The following PGAP6 variants were observed in gnomAD, a reference collection of about 807,000 sequenced individuals.
The protein encoded by PGAP6 is post-GPI attachment to proteins 6.
Under a neutral mutation model 68.4 loss-of-function variants are expected in PGAP6, and 62 were observed. The observed-to-expected ratio is 0.91, with a 90% CI of 0.74 to 1.12. The LOEUF is 1.12. Ranked by LOEUF, PGAP6 falls within the 50% of genes most tolerant of loss-of-function variation. The probability of loss-of-function intolerance (pLI) is 0.00; values close to 1 mark genes in which losing one functional copy is unlikely to be tolerated. For missense variants in PGAP6, 1,188 were observed against 1,068.5 expected (o/e 1.11, Z -1.56); for synonymous variants, 575 against 474.0 (o/e 1.21, Z -2.77).
chr16:377,495 C>T lies in PGAP6; in HGVS notation c.390G>A (p.Gly130=), dbSNP rs767694167. The change falls in exon 3 of 13, where the codon GGG becomes GGA. Residue 130 remains glycine (G), a synonymous_variant. Coordinates refer to ENST00000431232, the MANE Select transcript of PGAP6 (RefSeq NM_021259.3). The stretch of plus-strand genomic sequence containing the variant: ...TTCTCGGTGTGGTGCTCAGCGGCAC[C>T]CCGACCTGGAAGGAGGGCTGTACCG... ...DTAVQPSFQV[G]VPLSTTPRSN... The T allele has an allele frequency of 1.2e-6, 2 of 1,605,120 alleles. No homozygotes were observed. The highest frequency in any genetic ancestry group is 3.4e-5 in the Admixed American group (2 of 58,978).
At chr16:380,292 C>G (rs2363755) in intron 1 of PGAP6, among the ~76,000 whole-genome samples, 68,340 of 151,674 alleles carry the variant, frequency 0.45, 15,559 homozygotes, top group South Asian at 0.58. Flanking sequence ...CACGGCTCAC[C>G]GCAGCCTCAG....
Position 373,998 on chromosome 16 carries a change from C to T in PGAP6, c.1902+7G>A. On this transcript the variant is annotated splice_region_variant and intron_variant, in intron 11 of 12. Transcript: ENST00000431232. ...GGAGCCCACACCCCACGTCGAGGGC[C>T]ACTCACGTATTTCAGGACTGTCTTG... 6.2e-7 allele frequency: 1 copy of T among 1,602,670 alleles called. No individual in the cohort carries two copies. Among genetic ancestry groups the T allele is most frequent in the Admixed American group, 1.7e-5 (1 of 59,386 alleles).
Position 372,624 on chromosome 16 carries a change from A to G in PGAP6, c.2006T>C (p.Met669Thr). 1 of 1,611,690 alleles carries G rather than the reference A, an allele frequency of 6.2e-7. No homozygotes were observed. The highest frequency in any genetic ancestry group is 8.5e-7 in the Non-Finnish European group (1 of 1,179,472). Residue 669 changes from methionine to threonine, a missense_variant, in exon 12 of 13, where the codon ATG (methionine) becomes ACG (threonine). Physicochemically the swap from Met to Thr is moderately conservative, Grantham distance 81. Coordinates refer to ENST00000431232, the MANE Select transcript of PGAP6 (RefSeq NM_021259.3). Reference protein sequence around the residue: ...LGPCLFAFVIMASMWAYRCGH... With the variant: ...LGPCLFAFVITASMWAYRCGH... ...CCGGCTCCTTACCCACATGGAGGCC[A>G]TGATCACGAAGGCAAAGAGGCAGGG...
Position 377,560 on chromosome 16 carries a change from C to A in PGAP6, c.325G>T (p.Val109Phe). 1 of 1,583,592 alleles carries A rather than the reference C, an allele frequency of 6.3e-7. No homozygotes were observed. Among genetic ancestry groups the A allele is most frequent in the South Asian group, 1.1e-5 (1 of 87,412 alleles). Reference protein sequence around the residue: ...TVHFRSGAPPVINPLGTSFPD... With the variant: ...TVHFRSGAPPFINPLGTSFPD... ...AAGCTGGTGCCCAGCGGGTTGATGACCGGAGGGGCGCCGGAACGGAAGTGC... is the reference window on the plus strand; with the variant it reads ...AAGCTGGTGCCCAGCGGGTTGATGAACGGAGGGGCGCCGGAACGGAAGTGC... Residue 109 changes from valine (V) to phenylalanine (F), a missense_variant, in exon 3 of 13, where the codon GTC becomes TTC. By Grantham distance (50) the Val-to-Phe change is conservative (BLOSUM62 -1). Coordinates refer to ENST00000431232, the MANE Select transcript of PGAP6 (RefSeq NM_021259.3).
chr16:375,090 T>G, intron 8 of PGAP6, 43 bp downstream of exon 8: 1 of 1,606,164 alleles, frequency 6.2e-7, no homozygotes, highest in Non-Finnish European at 8.5e-7. Context: ...CTGAGTGAAA[T>G]GACAGGGTGC....
chr16:376,919 A>T lies in PGAP6; in HGVS notation c.636-107T>A, dbSNP rs368483142. 34 of 1,559,136 alleles carry T rather than the reference A, an allele frequency of 2.2e-5. No homozygotes were observed. In the Middle Eastern group the frequency reaches 1.9e-3, roughly 88 times the overall value. On this transcript the variant is annotated intron_variant, in intron 4 of 12. Coordinates refer to ENST00000431232, the MANE Select transcript of PGAP6 (RefSeq NM_021259.3). ...CAGCCCACTCTGGTGGGGGCCAGGC[A>T]TCTGGACCACTTCCCAGCCCAACCC... is the stretch of plus-strand genomic sequence containing the variant.
upstream of PGAP6, chr16:386,958 C>A: frequency 1.8e-6 from 1 of 570,808 alleles, no homozygotes; most frequent in South Asian, 1.4e-5. Context: ...GAAGAGCACC[C>A]CCAGGAGAAA....
intron 12 of PGAP6, 142 bp from the exon 13 acceptor site, chr16:372,425 G>T (rs960484087): frequency 1.1e-5 from 12 of 1,044,442 alleles, no homozygotes; most frequent in African/African-American, 1.6e-5. Flanking sequence ...GGGGCTCAAG[G>T]CCACTGGTCC....
chr16:380,007 C>T (rs1382504709), intron 1 of PGAP6, among the ~76,000 whole-genome samples: 5 of 152,248 alleles, frequency 3.3e-5, no homozygotes, highest in African/African-American at 4.8e-5. Context: ...CCCAGACCCA[C>T]GTCCTCCAAA....
chr16:375,150 C>G lies in PGAP6; in HGVS notation c.1422G>C (p.Met474Ile). The G allele has an allele frequency of 6.2e-7, 1 of 1,613,418 alleles. No individual in the cohort carries two copies. ...TTACTTACTCAGCATTCTCAGGGCA[C>G]ATGAGCTGCAGGGAGAGGTACCAGT... ...TDNWYLSLQL[M>I]CPENAEDCEQ... The change falls in exon 8 of 13, where the codon ATG becomes ATC. Residue 474 changes from methionine (M) to isoleucine (I), a missense_variant. By Grantham distance (10) the Met-to-Ile change is conservative (BLOSUM62 1). Transcript: ENST00000431232.
rs776004155 is a variant in PGAP6, at chr16:375,426, G to A, written c.1234C>T (p.Arg412Trp). 5.6e-6 allele frequency: 9 copies of A among 1,612,178 alleles called. No individual in the cohort carries two copies. Among genetic ancestry groups the A allele is most frequent in the East Asian group, 4.5e-5 (2 of 44,878 alleles). Residue 412 changes from arginine (R) to tryptophan (W), a missense_variant, in exon 7 of 13, where the codon CGG becomes TGG. Physicochemically the swap from Arg to Trp is moderately radical, Grantham distance 101. Transcript: ENST00000431232. The stretch of plus-strand genomic sequence containing the variant: ...CAGGCCACTACGACGGTCTCGTTCC[G>A]CATCTCTGTCTGGAAAGGGAGGCGG... The part of the protein sequence containing the change: ...ISLRANKTEM[R>W]NETVVVACVN...
chr16:378,212 CCATCGCCACCCTG>C (rs1308884860), intron 1 of PGAP6, among the ~76,000 whole-genome samples: 76 of 149,436 alleles, frequency 5.1e-4, no homozygotes, highest in African/African-American at 6.7e-4. Context: ...ACCCTGACTG[CCATCGCCACCCTG>C]ACTGCCATCG....
intron 1 of PGAP6, among the ~76,000 whole-genome samples, chr16:380,310 T>C (rs1284629246): frequency 1.3e-5 from 2 of 151,926 alleles, no homozygotes; most frequent in Non-Finnish European, 2.9e-5. Flanking sequence ...CAGCTTCCTA[T>C]GTAACTGGAA....
chr16:385,117 G>T (rs1408546682), upstream of PGAP6, among the ~76,000 whole-genome samples: 1 of 148,846 alleles, frequency 6.7e-6, no homozygotes, highest in African/African-American at 2.5e-5. Flanking sequence ...AGTGAGCAGG[G>T]ATCAGGCCAC....
chr16:375,264 G>A lies in PGAP6; in HGVS notation c.1316-8C>T. The A allele has an allele frequency of 6.2e-7, 1 of 1,612,920 alleles. No individual in the cohort carries two copies. The highest frequency in any genetic ancestry group is 8.5e-7 in the Non-Finnish European group (1 of 1,179,944). ...GGTAGCCCTGGAAGAAGGCTGCAGG[G>A]GAGCCAGAGGGCCCCATCAGAGGAG... On this transcript the variant is annotated splice_polypyrimidine_tract_variant and splice_region_variant and intron_variant, in intron 7 of 12. Transcript: ENST00000431232.
In PGAP6 at chr16:371,998, C is replaced by T. The variant is rs1422343834; in HGVS notation, c.2305G>A (p.Ala769Thr). The T allele has an allele frequency of 3.3e-5, 53 of 1,611,688 alleles. No individual in the cohort carries two copies. The highest frequency in any genetic ancestry group is 4.2e-5 in the Non-Finnish European group (50 of 1,179,350). The part of the protein sequence containing the change: ...ICKNDREELY[A>T]VT ...TCCCCAGGCCAGTGTCACGTCACTG[C>T]GTACAGTTCCTCCCGATCGTTCTTG... is the stretch of plus-strand genomic sequence containing the variant. The change falls in exon 13 of 13, where the codon GCA becomes ACA. Residue 769 changes from alanine (A) to threonine (T), a missense_variant. By Grantham distance (58) the Ala-to-Thr change is moderately conservative (BLOSUM62 0). Coordinates refer to ENST00000431232, the MANE Select transcript of PGAP6 (RefSeq NM_021259.3).
chr16:371,520 A>AGGGCCACACAG lies in PGAP6; in HGVS notation c.*456_*466dup, dbSNP rs2054331994. ...TCCATGCCCCAGGCAGGCTGGCATCAGGGCCACACAGGGGCCAGGAGCAGG... is the reference window on the plus strand; with the variant it reads ...TCCATGCCCCAGGCAGGCTGGCATCAGGGCCACACAGGGGCCACACAGGGGCCAGGAGCAGG... On this transcript the variant is annotated 3_prime_UTR_variant, in exon 13 of 13. Transcript: ENST00000431232. 5.9e-6 allele frequency: 1 copy of AGGGCCACACAG among 168,454 alleles called. No individual in the cohort carries two copies. Among genetic ancestry groups the AGGGCCACACAG allele is most frequent in the South Asian group, 1.4e-4 (1 of 6,954 alleles). 10.4% of individuals were successfully genotyped at this position (168,454 alleles called of 1,614,324 possible).
At chr16:386,839 A>C, upstream of PGAP6, 1 of 692,078 alleles carries the variant, frequency 1.4e-6, no homozygotes, top group South Asian at 1.3e-5. Flanking sequence ...AAGGCCAAGA[A>C]GGCAGCGTTG....
At chr16:373,329 A>G (rs1408326003) in intron 11 of PGAP6, among the ~76,000 whole-genome samples, 1 of 152,182 alleles carries the variant, frequency 6.6e-6, no homozygotes, top group Non-Finnish European at 1.5e-5. Flanking sequence ...AGCCCAGGGC[A>G]TGAGTCTCCC....
Sources: allele counts gnomAD v4.1 joint callset (sites outside exome capture counted in the v4.1 genomes callset), GRCh38; gene constraint gnomAD v4.1.1; transcripts MANE v1.5; gene names NCBI Gene and HGNC (gene_info 2026-07-23, HGNC 2026-07-21).